Variants in COL25A1 observed in about 807,000 individuals in gnomAD.
COL25A1 encodes collagen alpha-1(XXV) chain.
A neutral mutation model predicts 128.4 loss-of-function variants in COL25A1; 103 were observed. That is an observed-to-expected ratio of 0.80 (90% CI 0.68 to 0.94). The LOEUF (loss-of-function observed/expected upper bound fraction) is 0.94, where lower values mean the gene tolerates loss of function less well. Ranked by LOEUF, COL25A1 falls within the 40% of genes least tolerant of loss-of-function variation. The pLI is 0.00. For missense variants in COL25A1, 745 were observed against 840.0 expected (o/e 0.89, Z 1.40); for synonymous variants, 279 against 277.2 (o/e 1.01, Z -0.06).
chr4:109,216,311 A>C (rs1385196199), intron 3 of COL25A1, among the ~76,000 whole-genome samples: 1 of 150,450 alleles, frequency 6.6e-6, no homozygotes, highest in Non-Finnish European at 1.5e-5. Context: ...GGAAGGAAGG[A>C]AAGACGGAAG....
At chr4:109,102,403 C>T (rs1466923344) in intron 3 of COL25A1, among the ~76,000 whole-genome samples, 1 of 151,948 alleles carries the variant, frequency 6.6e-6, no homozygotes, top group African/African-American at 2.4e-5. Context: ...TTTATTGAGC[C>T]TTGTTTAATG....
chr4:109,110,881 G>A (rs992002869), intron 3 of COL25A1, among the ~76,000 whole-genome samples: 7 of 151,746 alleles, frequency 4.6e-5, no homozygotes, highest in African/African-American at 9.7e-5. Context: ...ATCTATTTTC[G>A]TCTGCACTAT....
intron 3 of COL25A1, among the ~76,000 whole-genome samples, chr4:109,239,392 G>GTATA (rs1470443522): frequency 2.1e-5 from 2 of 95,266 alleles, no homozygotes; most frequent in African/African-American, 1.1e-4. Context: ...GTGTGTGTGT[G>GTATA]TGTATATATA....
intron 6 of COL25A1, among the ~76,000 whole-genome samples, chr4:108,978,863 C>T (rs1455182770): frequency 6.6e-6 from 1 of 152,134 alleles, no homozygotes; most frequent in African/African-American, 2.4e-5. Context: ...CTTTTGGGGA[C>T]TCTTGTCCTG....
intron 3 of COL25A1, among the ~76,000 whole-genome samples, chr4:109,110,221 A>G (rs1199791726): frequency 1.3e-5 from 2 of 152,096 alleles, no homozygotes; most frequent in Admixed American, 1.3e-4. Context: ...GGTGCTCCCA[A>G]AAAGGTACCA....
intron 3 of COL25A1, among the ~76,000 whole-genome samples, chr4:109,106,147 C>T (rs1277378775): frequency 1.3e-5 from 2 of 152,162 alleles, no homozygotes; most frequent in Non-Finnish European, 2.9e-5. Context: ...TCTAAACAGA[C>T]TGATGAGCTA....
chr4:108,982,946 A>G (rs1323491847), intron 6 of COL25A1, among the ~76,000 whole-genome samples: 2 of 152,226 alleles, frequency 1.3e-5, no homozygotes, highest in African/African-American at 4.8e-5. Context: ...AACATTTAGA[A>G]AAACCAAACA....
At chr4:108,891,498 T>A (rs1429597723) in intron 16 of COL25A1, among the ~76,000 whole-genome samples, 1 of 152,156 alleles carries the variant, frequency 6.6e-6, no homozygotes, top group Non-Finnish European at 1.5e-5. Context: ...TACCAATGAA[T>A]CAGGTTTGCA....
At chr4:108,999,982 G>A (rs930755235) in intron 6 of COL25A1, among the ~76,000 whole-genome samples, 4 of 152,120 alleles carry the variant, frequency 2.6e-5, no homozygotes, top group African/African-American at 9.7e-5. Flanking sequence ...GGGGGCCTGG[G>A]GGAGGGATAT....
chr4:109,302,252 C>T lies in COL25A1; in HGVS notation c.-140G>A, dbSNP rs1048436180. 1 of 536,230 alleles carries T rather than the reference C, an allele frequency of 1.9e-6. No individual in the cohort carries two copies. Among genetic ancestry groups the T allele is most frequent in the East Asian group, 3.1e-5 (1 of 32,148 alleles). 33.2% of individuals were successfully genotyped at this position (536,230 alleles called of 1,614,324 possible). On this transcript the variant is annotated 5_prime_UTR_variant, in exon 1 of 38. Coordinates refer to ENST00000399132, the MANE Select transcript of COL25A1 (RefSeq NM_198721.4). ...CTCCCAGCTGGAAGTGAAAAGCACC[C>T]TCCGTCCGGGGACTGGGTGGCGGTG...
intron 16 of COL25A1, among the ~76,000 whole-genome samples, chr4:108,892,984 G>C (rs1402029368): frequency 6.6e-6 from 1 of 152,152 alleles, no homozygotes; most frequent in Non-Finnish European, 1.5e-5. Flanking sequence ...ATTAGGGAAG[G>C]CCCGGCACCA....
Position 109,294,136 on chromosome 4 carries a change from A to T in COL25A1, c.367+6447T>A, listed in dbSNP as rs1040504802. ...ATCTTTTTCATTGCAAACAGAAGTCAAAAGATAGAAGTCAGCTAGGGGTTT... is the reference window on the plus strand; with the variant it reads ...ATCTTTTTCATTGCAAACAGAAGTCTAAAGATAGAAGTCAGCTAGGGGTTT... On this transcript the variant is annotated intron_variant, in intron 3 of 37. Coordinates refer to ENST00000399132, the MANE Select transcript of COL25A1 (RefSeq NM_198721.4). 1.3e-5 allele frequency among the ~76,000 whole-genome samples: 2 copies of T among 152,140 alleles called. 1 individual carries two copies. Among genetic ancestry groups the T allele is most frequent in the Admixed American group, 1.3e-4 (2 of 15,274 alleles).
At chr4:108,918,415 C>T (rs1015348827) in intron 12 of COL25A1, among the ~76,000 whole-genome samples, 199 bp from the exon 13 acceptor site, 2 of 152,158 alleles carry the variant, frequency 1.3e-5, no homozygotes, top group Admixed American at 1.3e-4. Context: ...TAAAATTAAA[C>T]CTTGCTTCTA....
At chr4:108,877,632 G>A (rs1457427076) in intron 19 of COL25A1, among the ~76,000 whole-genome samples, 2 of 151,440 alleles carry the variant, frequency 1.3e-5, no homozygotes, top group African/African-American at 4.9e-5. Flanking sequence ...CTTAAATACT[G>A]TCTTCTGGCC....
intron 5 of COL25A1, among the ~76,000 whole-genome samples, chr4:109,026,926 T>C (rs977417640): frequency 7.2e-5 from 11 of 152,208 alleles, no homozygotes; most frequent in Non-Finnish European, 1.2e-4. Flanking sequence ...ATCAATTTGC[T>C]GTACAGAGGC....
At chr4:109,011,912 T>G (rs1412194022) in intron 5 of COL25A1, among the ~76,000 whole-genome samples, 2 of 152,264 alleles carry the variant, frequency 1.3e-5, no homozygotes, top group Non-Finnish European at 2.9e-5. Flanking sequence ...TACCTGCAAC[T>G]GATACGTATA....
intron 5 of COL25A1, among the ~76,000 whole-genome samples, chr4:109,011,431 TC>T (rs11311442): frequency 0.51 from 77,600 of 151,940 alleles, 22,546 homozygotes; most frequent in African/African-American, 0.78. Flanking sequence ...AGTTGGCAGG[TC>T]AAACTAGGAA....
At chr4:108,982,127 G>A (rs1319924053) in intron 6 of COL25A1, among the ~76,000 whole-genome samples, 3 of 152,194 alleles carry the variant, frequency 2.0e-5, no homozygotes, top group African/African-American at 7.2e-5. Flanking sequence ...CGAAGAGGCG[G>A]AGCTTGCAGT....
At chr4:108,828,497 T>G (rs1316447186) in intron 32 of COL25A1, among the ~76,000 whole-genome samples, 1 of 152,216 alleles carries the variant, frequency 6.6e-6, no homozygotes, top group East Asian at 1.9e-4. Flanking sequence ...GTATATGTTA[T>G]CTTCCTCACT....
Sources: gnomAD v4.1 joint callset for allele counts (sites outside exome capture counted in the v4.1 genomes callset) on GRCh38, gnomAD v4.1.1 for gene constraint, MANE v1.5 for transcripts, NCBI Gene and HGNC (gene_info 2026-07-23, HGNC 2026-07-21) for gene names.